GALNT4: variants seen among roughly 807,000 people sequenced by gnomAD.
The protein encoded by GALNT4 is UDP-GalNAc:polypeptide N-acetylgalactosaminyltransferase 4.
In GALNT4, 23 loss-of-function variants were observed where a neutral mutation model predicts 45.1. That is an observed-to-expected ratio of 0.51 (90% CI 0.37 to 0.72). The LOEUF is 0.72. Ranked by LOEUF, GALNT4 falls within the 30% of genes least tolerant of loss-of-function variation. The pLI is 0.00. For synonymous variants in GALNT4, 264 were observed against 257.6 expected (o/e 1.02, Z -0.24); for missense variants, 757 against 709.0 (o/e 1.07, Z -0.77).
At position 89,524,448 on chromosome 12, in the gene GALNT4, G is replaced by C; in HGVS notation, c.102C>G (p.Ala34=). 1 of 1,613,894 alleles carries C rather than the reference G, an allele frequency of 6.2e-7. No homozygotes were observed. The highest frequency in any genetic ancestry group is 8.5e-7 in the Non-Finnish European group (1 of 1,179,912). ...FVELLVSTFH[A]SAGAGRAREL... ...CCCTGGCACGGCCGGCTCCTGCGGA[G>C]GCATGAAAAGTAGAGACCAAGAGCT... Residue 34 remains alanine, a synonymous_variant, in exon 1 of 1, where the codon GCC becomes GCG. Transcript: ENST00000529983.
At position 89,523,436 on chromosome 12, in the gene GALNT4, G is replaced by A. The variant is rs1871105079; in HGVS notation, c.1114C>T (p.Arg372Cys). Residue 372 changes from arginine to cysteine, a missense_variant, in exon 1 of 1, where the codon CGC (arginine) becomes TGC (cysteine). Arg to Cys is a radical substitution (Grantham distance 180). Coordinates refer to ENST00000529983, the MANE Select transcript of GALNT4 (RefSeq NM_003774.5). ...HVFPKRAPYARPNFLQNTARA... is the reference protein window; with the variant it reads ...HVFPKRAPYACPNFLQNTARA... ...GCAGTATTCTGTAGGAAATTGGGGC[G>A]AGCATATGGTGCCCGCTTGGGGAAC... The A allele has an allele frequency of 5.6e-6, 9 of 1,614,002 alleles. No homozygotes were observed. Among genetic ancestry groups the A allele is most frequent in the African/African-American group, 1.3e-5 (1 of 75,022 alleles).
rs932641459 is a variant in GALNT4 at position 89,523,281 on chromosome 12, G to A, written c.1269C>T (p.Ser423=). 3.7e-6 allele frequency: 6 copies of A among 1,614,046 alleles called. No individual in the cohort carries two copies. The Admixed American group carries it at 5.0e-5, about 13-fold the overall frequency. The change falls in exon 1 of 1, where the codon AGC becomes AGT. Residue 423 remains serine, a synonymous_variant. Transcript: ENST00000529983. ...AAACGTTTTTCAAATACCAGTCAAA[G>A]CTCTTGCATCTCAACCGCTCTCGTA... The part of the protein sequence containing the change: ...KLLRERLRCK[S]FDWYLKNVFP...
At position 89,523,083 on chromosome 12, in the gene GALNT4, A is replaced by C; in HGVS notation, c.1467T>G (p.Thr489=). ...GQGGNQFFEY[T]SNKEIRFNSV... ...AATTAAACCTTATTTCTTTGTTTGA[A>C]GTATATTCAAAGAATTGATTGCCTC... The change falls in exon 1 of 1, where the codon ACT becomes ACG. Residue 489 remains threonine (T), a synonymous_variant. Coordinates refer to ENST00000529983, the MANE Select transcript of GALNT4 (RefSeq NM_003774.5). 6.2e-7 allele frequency: 1 copy of C among 1,613,892 alleles called. No homozygotes were observed. Among genetic ancestry groups the C allele is most frequent in the Non-Finnish European group, 8.5e-7 (1 of 1,179,782 alleles).
Position 89,523,513 on chromosome 12 carries a change from C to A in GALNT4, c.1037G>T (p.Trp346Leu). Residue 346 changes from tryptophan (W) to leucine (L), a missense_variant, in exon 1 of 1, where the codon TGG becomes TTG. Trp to Leu is a moderately conservative substitution (Grantham distance 61, BLOSUM62 -2). Coordinates refer to ENST00000529983, the MANE Select transcript of GALNT4 (RefSeq NM_003774.5). ...GATCTCCAATTTGCCACCACACTGC[C>A]ACACCCTAAAAGACAGCTCAAGGTT... is the stretch of plus-strand genomic sequence containing the variant. ...GENLELSFRV[W>L]QCGGKLEIHP... 1.2e-6 allele frequency: 2 copies of A among 1,610,840 alleles called. No individual in the cohort carries two copies. Among genetic ancestry groups the A allele is most frequent in the Non-Finnish European group, 1.7e-6 (2 of 1,178,466 alleles).
rs139995124 is a variant in GALNT4 at position 89,523,004 on chromosome 12, G to T, written c.1546C>A (p.Gln516Lys). 7.4e-3 allele frequency: 11,862 copies of T among 1,613,866 alleles called. 60 individuals carry two copies. Among genetic ancestry groups the T allele is most frequent in the Non-Finnish European group, 9.4e-3 (11,064 of 1,179,828 alleles). The change falls in exon 1 of 1, where the codon CAA becomes AAA. Residue 516 changes from glutamine to lysine, a missense_variant. Coordinates refer to ENST00000529983, the MANE Select transcript of GALNT4 (RefSeq NM_003774.5). ...VPEQKNYVGM[Q>K]NCPKDGFPVP... is the part of the protein sequence containing the mutation. ...GGGAACCCATCTTTGGGACAATTTT[G>T]CATTCCCACATAATTTTTTTGCTCA...
Position 89,520,240 on chromosome 12 carries a change from GAATT to G in GALNT4, c.*2569_*2572del, listed in dbSNP as rs1870733191. 6.6e-6 allele frequency: 1 copy of G among 152,018 alleles called. No individual in the cohort carries two copies. 9.4% of individuals were successfully genotyped at this position (152,018 alleles called of 1,614,324 possible). On this transcript the variant is annotated 3_prime_UTR_variant, in exon 1 of 1. Transcript: ENST00000529983. ...CAATTTAGGGCAAAAAGTCAATAAA[GAATT>G]AAGGTACTTTATTTTTAAAAGCCTC... is the stretch of plus-strand genomic sequence containing the variant.
At position 89,522,038 on chromosome 12, in the gene GALNT4, A is replaced by C. The variant is rs1479800286; in HGVS notation, c.*775T>G. 5.0e-6 allele frequency: 2 copies of C among 398,914 alleles called. No individual in the cohort carries two copies. The highest frequency in any genetic ancestry group is 8.8e-6 in the Non-Finnish European group (2 of 226,060). 24.7% of individuals were successfully genotyped at this position (398,914 alleles called of 1,614,324 possible). A position where few individuals can be genotyped will look rare whatever the true frequency, so the allele number is the denominator to read the frequency against. On this transcript the variant is annotated 3_prime_UTR_variant, in exon 1 of 1. Transcript: ENST00000529983. ...GTACATTCATAACTTAAGGAAGTGC[A>C]ATCAGAAAATGCCCTACACACACAA... is the stretch of plus-strand genomic sequence containing the variant.
chr12:89,521,992 T>C lies in GALNT4; in HGVS notation c.*821A>G. The C allele has an allele frequency of 2.5e-6, 1 of 399,022 alleles. No homozygotes were observed. The highest frequency in any genetic ancestry group is 4.4e-6 in the Non-Finnish European group (1 of 226,052). 24.7% of individuals were successfully genotyped at this position (399,022 alleles called of 1,614,324 possible). ...AGCATTAACAAAGGGAGGCATAGTA[T>C]TCTGGATGAGTCCCTTTCTAGTACA... On this transcript the variant is annotated 3_prime_UTR_variant, in exon 1 of 1. Coordinates refer to ENST00000529983, the MANE Select transcript of GALNT4 (RefSeq NM_003774.5).
rs997997281 is a variant in GALNT4, at chr12:89,522,513, C to G, written c.*300G>C. ...ACCTTTACATTCTTTAATATTAAGT[C>G]TGGCACTTAAATGTTTTGTGTGTTT... On this transcript the variant is annotated 3_prime_UTR_variant, in exon 1 of 1. Coordinates refer to ENST00000529983, the MANE Select transcript of GALNT4 (RefSeq NM_003774.5). 1 of 348,108 alleles carries G rather than the reference C, an allele frequency of 2.9e-6. No individual in the cohort carries two copies. Among genetic ancestry groups the G allele is most frequent in the Non-Finnish European group, 5.1e-6 (1 of 196,066 alleles). The allele number at this position is 348,108 out of a possible 1,614,324, so 21.6% of individuals were successfully genotyped here. A position where few individuals can be genotyped will look rare whatever the true frequency, so the allele number is the denominator to read the frequency against.
chr12:89,523,354 G>C lies in GALNT4; in HGVS notation c.1196C>G (p.Pro399Arg). ...ACCATAAGCTTCTTTTCTTGCTGGAGGGTTTCTATTGTAGAAGTGCTCTTT... is the reference window on the plus strand; with the variant it reads ...ACCATAAGCTTCTTTTCTTGCTGGACGGTTTCTATTGTAGAAGTGCTCTTT... ...EYKEHFYNRNPPARKEAYGDI... is the reference protein window; with the variant it reads ...EYKEHFYNRNRPARKEAYGDI... Residue 399 changes from proline to arginine, a missense_variant, in exon 1 of 1, where the codon CCT becomes CGT. Coordinates refer to ENST00000529983, the MANE Select transcript of GALNT4 (RefSeq NM_003774.5). 1.2e-6 allele frequency: 2 copies of C among 1,614,024 alleles called. No homozygotes were observed. Among genetic ancestry groups the C allele is most frequent in the African/African-American group, 1.3e-5 (1 of 75,050 alleles).
chr12:89,521,751 G>C lies in GALNT4; in HGVS notation c.*1062C>G, dbSNP rs370354854. 2.9e-6 allele frequency: 1 copy of C among 345,320 alleles called. No homozygotes were observed. The highest frequency in any genetic ancestry group is 5.2e-6 in the Non-Finnish European group (1 of 192,186). The allele number at this position is 345,320 out of a possible 1,614,324, so 21.4% of individuals were successfully genotyped here. On this transcript the variant is annotated 3_prime_UTR_variant, in exon 1 of 1. Transcript: ENST00000529983. ...TGAAAGCTGCCTAAGTGCCAGGCTC[G>C]GTGCTAGGAGATTGAAAGCACCATT... is the stretch of plus-strand genomic sequence containing the variant.
chr12:89,519,576 A>T lies in GALNT4; in HGVS notation c.*3237T>A, dbSNP rs186098375. The T allele has an allele frequency of 9.8e-5, 15 of 152,734 alleles. No homozygotes were observed. Among genetic ancestry groups the T allele is most frequent in the Admixed American group, 9.2e-4 (14 of 15,300 alleles). The allele number at this position is 152,734 out of a possible 1,614,324, so 9.5% of individuals were successfully genotyped here. ...TTGTGCTCATTTTAAAATTATTAAA[A>T]CAGGAATTCAAAAGGACAAGCAAAT... On this transcript the variant is annotated 3_prime_UTR_variant, in exon 1 of 1. Coordinates refer to ENST00000529983, the MANE Select transcript of GALNT4 (RefSeq NM_003774.5).
chr12:89,523,437 A>G lies in GALNT4; in HGVS notation c.1113T>C (p.Ala371=). 6.2e-7 allele frequency: 1 copy of G among 1,614,056 alleles called. No homozygotes were observed. Among genetic ancestry groups the G allele is most frequent in the Non-Finnish European group, 8.5e-7 (1 of 1,179,938 alleles). The change falls in exon 1 of 1, where the codon GCT becomes GCC. Residue 371 remains alanine (A), a synonymous_variant. Coordinates refer to ENST00000529983, the MANE Select transcript of GALNT4 (RefSeq NM_003774.5). ...CAGTATTCTGTAGGAAATTGGGGCGAGCATATGGTGCCCGCTTGGGGAACA... is the reference window on the plus strand; with the variant it reads ...CAGTATTCTGTAGGAAATTGGGGCGGGCATATGGTGCCCGCTTGGGGAACA... ...GHVFPKRAPY[A]RPNFLQNTAR...
Position 89,522,118 on chromosome 12 carries a change from T to C in GALNT4, c.*695A>G, listed in dbSNP as rs1008178664. On this transcript the variant is annotated 3_prime_UTR_variant, in exon 1 of 1. Coordinates refer to ENST00000529983, the MANE Select transcript of GALNT4 (RefSeq NM_003774.5). ...ATCAGAGGAATCTGAGGTATTAATA[T>C]ATACATCAGTGAAGTCCAATAGCTC... 4 of 398,874 alleles carry C rather than the reference T, an allele frequency of 1.0e-5. No individual in the cohort carries two copies. The highest frequency in any genetic ancestry group is 4.1e-5 in the African/African-American group (2 of 48,624). 24.7% of individuals were successfully genotyped at this position (398,874 alleles called of 1,614,324 possible).
chr12:89,524,087 T>C lies in GALNT4; in HGVS notation c.463A>G (p.Ile155Val). 6.2e-7 allele frequency: 1 copy of C among 1,613,982 alleles called. No homozygotes were observed. The highest frequency in any genetic ancestry group is 8.5e-7 in the Non-Finnish European group (1 of 1,179,884). Residue 155 changes from isoleucine to valine, a missense_variant, in exon 1 of 1, where the codon ATT becomes GTT. Transcript: ENST00000529983. ...GGAGAAGTTTCTAAAACACTGTGAA[T>C]GGTACGGAGCAAAGTCGACCAGGCT... The part of the protein sequence containing the change: ...NEAWSTLLRT[I>V]HSVLETSPAV...
rs1343231245 is a variant in GALNT4, at chr12:89,522,678, C to T, written c.*135G>A. On this transcript the variant is annotated 3_prime_UTR_variant, in exon 1 of 1. Coordinates refer to ENST00000529983, the MANE Select transcript of GALNT4 (RefSeq NM_003774.5). Reference sequence around the variant, plus strand: ...TTCAGTGTGATATACCAAAATGAACCCCAGCTTTCCAGTGCTCCACAGATG... The same window carrying T: ...TTCAGTGTGATATACCAAAATGAACTCCAGCTTTCCAGTGCTCCACAGATG... The T allele has an allele frequency of 1.1e-5, 13 of 1,184,850 alleles. No individual in the cohort carries two copies. Among genetic ancestry groups the T allele is most frequent in the Non-Finnish European group, 1.5e-5 (13 of 884,490 alleles). 73.4% of individuals were successfully genotyped at this position (1,184,850 alleles called of 1,614,324 possible).
Position 89,523,943 on chromosome 12 carries a change from T to C in GALNT4, c.607A>G (p.Lys203Glu), listed in dbSNP as rs925914331. The part of the protein sequence containing the change: ...LDRVRLIRTN[K>E]REGLVRARLI... ...CGGGCCCTAACCAGCCCCTCTCGCT[T>C]ATTGGTCCTAATCAAGCGTACTCTA... The change falls in exon 1 of 1, where the codon AAG becomes GAG. Residue 203 changes from lysine to glutamate, a missense_variant. Transcript: ENST00000529983. 2 of 1,613,108 alleles carry C rather than the reference T, an allele frequency of 1.2e-6. No homozygotes were observed. Among genetic ancestry groups the C allele is most frequent in the Admixed American group, 1.7e-5 (1 of 59,844 alleles).
Position 89,523,499 on chromosome 12 carries a change from T to C in GALNT4, c.1051A>G (p.Lys351Glu). ...LSFRVWQCGG[K>E]LEIHPCSHVG... The stretch of plus-strand genomic sequence containing the variant: ...TGGGAACACGGGTGGATCTCCAATT[T>C]GCCACCACACTGCCACACCCTAAAA... Residue 351 changes from lysine (K) to glutamate (E), a missense_variant, in exon 1 of 1, where the codon AAA becomes GAA. Lys to Glu is a moderately conservative substitution (Grantham distance 56). Coordinates refer to ENST00000529983, the MANE Select transcript of GALNT4 (RefSeq NM_003774.5). The C allele has an allele frequency of 6.2e-7, 1 of 1,612,138 alleles. No homozygotes were observed. The highest frequency in any genetic ancestry group is 8.5e-7 in the Non-Finnish European group (1 of 1,179,134).
chr12:89,524,201 CTA>C lies in GALNT4; in HGVS notation c.347_348del (p.Ile116ArgfsTer3), dbSNP rs1339018725. On this transcript the variant is annotated frameshift_variant, in exon 1 of 1. Transcript: ENST00000529983. LOFTEE classifies it high-confidence loss of function. ...LSDRISLHRH[I>X]EDKRMYECKS... is the part of the protein sequence containing the mutation. The stretch of plus-strand genomic sequence containing the variant: ...TTACACTCATACATTCTTTTATCCT[CTA>C]TGTGTCGATGCAGGGAAATCCTGTC... 2.5e-6 allele frequency: 4 copies of C among 1,613,884 alleles called. No homozygotes were observed. Among genetic ancestry groups the C allele is most frequent in the Non-Finnish European group, 2.5e-6 (3 of 1,179,906 alleles).
Sources: gnomAD v4.1 joint callset for allele counts on GRCh38, gnomAD v4.1.1 for gene constraint, MANE v1.5 for transcripts, NCBI Gene and HGNC (gene_info 2026-07-23, HGNC 2026-07-21) for gene names.